The following PPFIA2 variants were observed in gnomAD, a reference collection of about 807,000 sequenced individuals.
The protein encoded by PPFIA2 is PPFI scaffold protein A2.
In PPFIA2, 46 loss-of-function variants were observed where a neutral mutation model predicts 175.5. The observed-to-expected ratio is 0.26, with a 90% CI of 0.21 to 0.34. The LOEUF (loss-of-function observed/expected upper bound fraction) is 0.34, where lower values mean the gene tolerates loss of function less well. Ranked by LOEUF, PPFIA2 falls within the 10% of genes least tolerant of loss-of-function variation. PPFIA2 has a pLI of 1.00. For synonymous variants in PPFIA2, 568 were observed against 511.4 expected, an observed-to-expected ratio of 1.11 and a Z score of -1.49; for missense variants, 1,179 against 1,506.1, an observed-to-expected ratio of 0.78 and a Z score of 3.60.
In PPFIA2 at chr12:81,347,400, T is replaced by A. The variant is rs140743761; in HGVS notation, c.2232+133A>T. 3.8e-4 allele frequency: 309 copies of A among 814,666 alleles called. No individual in the cohort carries two copies. In the African/African-American group the frequency reaches 4.8e-3, roughly 13 times the overall value. 50.5% of individuals were successfully genotyped at this position (814,666 alleles called of 1,614,324 possible). ...AAATGTACTGATCACATAGGGATGT[T>A]GTGAATAAGAAAATAAATAAACAAT... On this transcript the variant is annotated intron_variant, in intron 18 of 32. Transcript: ENST00000549396.
chr12:81,427,820 C>G (rs550031939), intron 7 of PPFIA2, among the ~76,000 whole-genome samples: 1 of 151,882 alleles, frequency 6.6e-6, no homozygotes, highest in Non-Finnish European at 1.5e-5. Context: ...CCAAATATTA[C>G]GACTTCTTTG....
At chr12:81,758,247 G>C (rs1468995460) in intron 2 of PPFIA2, among the ~76,000 whole-genome samples, 153 bp downstream of exon 2, 1 of 151,484 alleles carries the variant, frequency 6.6e-6, no homozygotes. Flanking sequence ...AGAGATAGGA[G>C]ATGGAGAGGA....
At chr12:81,271,523 T>C (rs1368645992) in intron 28 of PPFIA2, among the ~76,000 whole-genome samples, 2 of 152,164 alleles carry the variant, frequency 1.3e-5, no homozygotes, top group East Asian at 1.9e-4. Flanking sequence ...CCTGCCTTGG[T>C]CTGCCAAAGT....
intron 8 of PPFIA2, among the ~76,000 whole-genome samples, chr12:81,401,535 C>A (rs185406598): frequency 6.8e-4 from 103 of 152,236 alleles, no homozygotes; most frequent in Admixed American, 3.5e-3. Flanking sequence ...TTTGATACCA[C>A]AATATTTATC....
In PPFIA2 at chr12:81,716,140, T is replaced by C. The variant is rs541839917; in HGVS notation, c.249+37833A>G. ...TTTATTACCATTAAGTTTATATTTA[T>C]CTACATATAATGTAGAATAACAATT... is the stretch of plus-strand genomic sequence containing the variant. On this transcript the variant is annotated intron_variant, in intron 3 of 32. Transcript: ENST00000549396. Among the ~76,000 whole-genome samples, 10 of 151,830 alleles carry C rather than the reference T, an allele frequency of 6.6e-5. No individual in the cohort carries two copies. The South Asian group carries it at 1.9e-3, about 28-fold the overall frequency.
chr12:81,417,909 C>A (rs1168513338), intron 7 of PPFIA2, among the ~76,000 whole-genome samples: 8 of 151,712 alleles, frequency 5.3e-5, no homozygotes, highest in Admixed American at 6.6e-5. Flanking sequence ...CTCCCTAAAT[C>A]TCAGTTCAAT....
intron 4 of PPFIA2, among the ~76,000 whole-genome samples, chr12:81,641,601 G>C (rs2064979588): frequency 6.6e-6 from 1 of 152,054 alleles, no homozygotes; most frequent in African/African-American, 2.4e-5. Context: ...CCTGTTGGGG[G>C]ATGAAGGACC....
chr12:81,293,110 A>G (rs1030593342), intron 24 of PPFIA2, among the ~76,000 whole-genome samples: 4 of 152,002 alleles, frequency 2.6e-5, no homozygotes, highest in Admixed American at 2.6e-4. Context: ...AAGTAATAAG[A>G]CTTTTTAATA....
chr12:81,419,733 A>T (rs1290435623), intron 7 of PPFIA2, among the ~76,000 whole-genome samples: 1 of 152,134 alleles, frequency 6.6e-6, no homozygotes, highest in Non-Finnish European at 1.5e-5. Flanking sequence ...AGGAATAAAG[A>T]GTATATACAT....
intron 2 of PPFIA2, among the ~76,000 whole-genome samples, chr12:81,756,551 T>G (rs2084699008): frequency 6.6e-6 from 1 of 152,072 alleles, no homozygotes; most frequent in Non-Finnish European, 1.5e-5. Context: ...GTCTATTAAA[T>G]CTACACTCAA....
chr12:81,481,572 C>T (rs916719996), intron 4 of PPFIA2, among the ~76,000 whole-genome samples: 1 of 152,094 alleles, frequency 6.6e-6, no homozygotes, highest in Non-Finnish European at 1.5e-5. Flanking sequence ...GAACAGAAGC[C>T]TCAGAATATG....
At chr12:81,405,927 T>G (rs1245285034) in intron 7 of PPFIA2, 24 bp from the exon 8 acceptor site, 1 of 1,366,146 alleles carries the variant, frequency 7.3e-7, no homozygotes. Context: ...GCACTATGCC[T>G]TTAAAGTCTA....
At chr12:81,372,131 TC>T (rs2035288843) in intron 11 of PPFIA2, among the ~76,000 whole-genome samples, 3 of 151,774 alleles carry the variant, frequency 2.0e-5, no homozygotes, top group Admixed American at 6.6e-5. Context: ...TTTTTTATAC[TC>T]CTTGGTGAAA....
intron 4 of PPFIA2, among the ~76,000 whole-genome samples, chr12:81,645,479 T>A (rs2065932604): frequency 6.6e-6 from 1 of 151,980 alleles, no homozygotes; most frequent in Non-Finnish European, 1.5e-5. Flanking sequence ...TGAAAAAAAA[T>A]AGATAAGAGT....
chr12:81,730,730 A>G (rs1306598740), intron 3 of PPFIA2, among the ~76,000 whole-genome samples: 1 of 151,648 alleles, frequency 6.6e-6, no homozygotes, highest in Non-Finnish European at 1.5e-5. Context: ...TGTCTGCTAT[A>G]TGTTAGATAA....
At chr12:81,579,409 A>G (rs1459817439) in intron 4 of PPFIA2, among the ~76,000 whole-genome samples, 1 of 151,818 alleles carries the variant, frequency 6.6e-6, no homozygotes, top group Non-Finnish European at 1.5e-5. Context: ...ACAGATTCTC[A>G]GTGACAGATA....
intron 8 of PPFIA2, among the ~76,000 whole-genome samples, chr12:81,389,065 T>C (rs936890176): frequency 6.6e-6 from 1 of 151,182 alleles, no homozygotes; most frequent in African/African-American, 2.4e-5. Flanking sequence ...GCTGAACATG[T>C]GTTCTTTCGT....
chr12:81,669,934 C>T (rs1415655633), intron 4 of PPFIA2, among the ~76,000 whole-genome samples: 2 of 151,952 alleles, frequency 1.3e-5, no homozygotes, highest in Non-Finnish European at 2.9e-5. Context: ...GTCCTTGGTT[C>T]ATAGAGACTG....
chr12:81,680,729 G>A (rs947926213), intron 3 of PPFIA2, among the ~76,000 whole-genome samples: 1 of 151,984 alleles, frequency 6.6e-6, no homozygotes, highest in African/African-American at 2.4e-5. Flanking sequence ...CTTAGGTGCA[G>A]TATGGAATTG....
Sources: gnomAD v4.1 joint callset for allele counts (sites outside exome capture counted in the v4.1 genomes callset) on GRCh38, gnomAD v4.1.1 for gene constraint, MANE v1.5 for transcripts, NCBI Gene and HGNC (gene_info 2026-07-23, HGNC 2026-07-21) for gene names.